Variants in PLCB2 observed in about 807,000 individuals in gnomAD.
The protein encoded by PLCB2 is 1-phosphatidylinositol 4,5-bisphosphate phosphodiesterase beta-2.
PLCB2 carries 115 observed loss-of-function variants against 141.7 expected under a neutral mutation model. The ratio of observed to expected loss-of-function variants is 0.81; its 90% CI spans 0.70 to 0.95. The LOEUF (loss-of-function observed/expected upper bound fraction) is 0.95. Ranked by LOEUF, PLCB2 falls within the 40% of genes least tolerant of loss-of-function variation. The pLI is 0.00. For synonymous variants in PLCB2, 603 were observed against 595.6 expected (o/e 1.01, Z -0.18); for missense variants, 1,403 against 1,541.1 (o/e 0.91, Z 1.50).
intron 4 of PLCB2, 35 bp downstream of exon 4, chr15:40,302,434 G>A: frequency 6.2e-7 from 1 of 1,613,298 alleles, no homozygotes; most frequent in Non-Finnish European, 8.5e-7. Flanking sequence ...GCTATCCCAG[G>A]GGCCCAGACC....
chr15:40,307,643 G>T lies in PLCB2; in HGVS notation c.30C>A (p.Pro10=), dbSNP rs902250023. MSLLNPVLL[P]PKVKAYLSQG... ...GGCTCAGATAGGCCTTCACCTTGGG[G>T]GGCAGCAGGACAGGGTTGAGCAGAG... Residue 10 remains proline (P), a synonymous_variant, in exon 1 of 32, where the codon CCC becomes CCA. Coordinates refer to ENST00000260402, the MANE Select transcript of PLCB2 (RefSeq NM_004573.3). 1 of 1,583,154 alleles carries T rather than the reference G, an allele frequency of 6.3e-7. No homozygotes were observed. Among genetic ancestry groups the T allele is most frequent in the Non-Finnish European group, 8.6e-7 (1 of 1,162,780 alleles).
chr15:40,290,575 A>C lies in PLCB2; in HGVS notation c.3209+2T>G. The C allele has an allele frequency of 6.2e-7, 1 of 1,611,310 alleles. No individual in the cohort carries two copies. The highest frequency in any genetic ancestry group is 8.5e-7 in the Non-Finnish European group (1 of 1,177,580). On this transcript the variant is annotated splice_donor_variant, in intron 29 of 31. Coordinates refer to ENST00000260402, the MANE Select transcript of PLCB2 (RefSeq NM_004573.3). LOFTEE classifies it high-confidence loss of function. ...GCCCTGGGCCTCCCCTCCAGGGCTC[A>C]CCTCTCCTGGGCCATCTTGTCTGTG... is the stretch of plus-strand genomic sequence containing the variant.
At chr15:40,298,192 C>A (rs373087882) in intron 11 of PLCB2, 31 bp downstream of exon 11, 1 of 1,530,218 alleles carries the variant, frequency 6.5e-7, no homozygotes. Context: ...CCTACTGCCA[C>A]GGCCACCAGC....
At chr15:40,298,183 C>T (rs1339159636) in intron 11 of PLCB2, 40 bp downstream of exon 11, 1 of 1,527,944 alleles carries the variant, frequency 6.5e-7, no homozygotes, top group Non-Finnish European at 8.8e-7. Flanking sequence ...GAGCCCTTCC[C>T]TACTGCCACG....
At chr15:40,292,865 C>T (rs891589344) in intron 21 of PLCB2, 61 bp downstream of exon 21, 4 of 1,129,330 alleles carry the variant, frequency 3.5e-6, no homozygotes, top group African/African-American at 1.6e-5. Context: ...CAGAAGCTGC[C>T]CCACCCTGTG....
At chr15:40,290,865 A>C (rs752565576) in intron 27 of PLCB2, 28 bp from the exon 28 acceptor site, 2 of 1,563,428 alleles carry the variant, frequency 1.3e-6, no homozygotes, top group African/African-American at 2.8e-5. Context: ...AAGCTTGGCG[A>C]GAAGCCCTTT....
Position 40,291,933 on chromosome 15 carries a change from G to A in PLCB2, c.2527-9C>T, listed in dbSNP as rs1372153377. ...GCCAGTGGGAAGGGCTTCTGTGTAGGGAGAGCAGGTCAGGAAGGTGGCTTG... is the reference window on the plus strand; with the variant it reads ...GCCAGTGGGAAGGGCTTCTGTGTAGAGAGAGCAGGTCAGGAAGGTGGCTTG... On this transcript the variant is annotated splice_polypyrimidine_tract_variant and intron_variant, in intron 23 of 31. Coordinates refer to ENST00000260402, the MANE Select transcript of PLCB2 (RefSeq NM_004573.3). 6.2e-7 allele frequency: 1 copy of A among 1,614,042 alleles called. No individual in the cohort carries two copies. The highest frequency in any genetic ancestry group is 8.5e-7 in the Non-Finnish European group (1 of 1,179,966).
chr15:40,290,352 C>T (rs1355833879), intron 29 of PLCB2, among the ~76,000 whole-genome samples: 2 of 152,258 alleles, frequency 1.3e-5, no homozygotes, highest in African/African-American at 4.8e-5. Context: ...CCTCAGCTCC[C>T]TCCCTGCAGG....
Position 40,296,768 on chromosome 15 carries a change from A to G in PLCB2, c.1464T>C (p.Ser488=). 6.2e-7 allele frequency: 1 copy of G among 1,613,656 alleles called. No individual in the cohort carries two copies. The highest frequency in any genetic ancestry group is 8.5e-7 in the Non-Finnish European group (1 of 1,179,738). Residue 488 remains serine (S), a synonymous_variant, in exon 14 of 32, where the codon AGT becomes AGC. Coordinates refer to ENST00000260402, the MANE Select transcript of PLCB2 (RefSeq NM_004573.3). ...CACCTGTGCCCTCACCTGCAGGGGC[A>G]CTGGGTGGGCTGCTGCCCTCAGCCT... is the stretch of plus-strand genomic sequence containing the variant. The part of the protein sequence containing the change: ...GGEAEGSSPP[S]APAGEGTVWA...
chr15:40,304,076 T>G lies in PLCB2; in HGVS notation c.87A>C (p.Glu29Asp), dbSNP rs1348585918. Residue 29 changes from glutamate (E) to aspartate (D), a missense_variant and splice_region_variant, in exon 2 of 32, where the codon GAA becomes GAC. Glu to Asp is a conservative substitution (Grantham distance 45, BLOSUM62 2). This residue lies in a region of PLCB2 where 975 missense variants were observed against 1,141.1 expected (regional missense o/e 0.85). Coordinates refer to ENST00000260402, the MANE Select transcript of PLCB2 (RefSeq NM_004573.3). ...QGERFIKWDD[E>D]TTVASPVILR... ...GGATAACTGGAGAGGCAACTGTAGT[T>G]TCCTGCAGAGAGAAGGAGCCAGCAC... The G allele has an allele frequency of 6.3e-7, 1 of 1,594,186 alleles. No individual in the cohort carries two copies. Among genetic ancestry groups the G allele is most frequent in the South Asian group, 1.1e-5 (1 of 87,682 alleles).
rs373119773 is a variant in PLCB2 at position 40,301,594 on chromosome 15, A to C, written c.582+363T>G. On this transcript the variant is annotated intron_variant, in intron 7 of 31. Transcript: ENST00000260402. ...ACTGCCGCCTGCCACTGCCGACCTT[A>C]TCTCGCTCCTCCAGGCTGAAAACAT... The C allele has an allele frequency of 3.4e-5, 24 of 702,786 alleles. No individual in the cohort carries two copies. The African/African-American group carries it at 3.7e-4, about 11-fold the overall frequency. 43.5% of individuals were successfully genotyped at this position (702,786 alleles called of 1,614,324 possible).
At position 40,302,049 on chromosome 15, in the gene PLCB2, A is replaced by G; in HGVS notation, c.507-17T>C. 1 of 1,614,146 alleles carries G rather than the reference A, an allele frequency of 6.2e-7. No individual in the cohort carries two copies. Among genetic ancestry groups the G allele is most frequent in the Non-Finnish European group, 8.5e-7 (1 of 1,179,984 alleles). ...TGGAAAAAGCTGAAGGGGCAGAGAAAGGTACCAGGTACAGAGAGGAGTCAG... is the reference window on the plus strand; with the variant it reads ...TGGAAAAAGCTGAAGGGGCAGAGAAGGGTACCAGGTACAGAGAGGAGTCAG... On this transcript the variant is annotated splice_polypyrimidine_tract_variant and intron_variant, in intron 6 of 31. Transcript: ENST00000260402.
At chr15:40,290,237 C>T (rs1198368544) in intron 29 of PLCB2, among the ~76,000 whole-genome samples, 155 bp from the exon 30 acceptor site, 2 of 151,974 alleles carry the variant, frequency 1.3e-5, no homozygotes, top group Non-Finnish European at 2.9e-5. Context: ...ATGTAGGGGC[C>T]ACTGGGAGTC....
rs375056203 is a variant in PLCB2, at chr15:40,301,971, G to A, written c.568C>T (p.Leu190Phe). The A allele has an allele frequency of 3.8e-5, 62 of 1,613,874 alleles. No individual in the cohort carries two copies. The highest frequency in any genetic ancestry group is 5.0e-5 in the Admixed American group (3 of 59,998). The change falls in exon 7 of 32, where the codon CTC becomes TTC. Residue 190 changes from leucine (L) to phenylalanine (F), a missense_variant. This residue lies in a region of PLCB2 where 975 missense variants were observed against 1,141.1 expected (regional missense o/e 0.85). Transcript: ENST00000260402. ...GATCCACTCACTTTGCCTTTGGGGA[G>A]GTGGCAGGCACTGAGAGCAGCTTCC... is the stretch of plus-strand genomic sequence containing the variant. ...RVEAALSACH[L>F]PKGKNDAINP...
chr15:40,293,645 G>C lies in PLCB2; in HGVS notation c.2141C>G (p.Pro714Arg). ...EVELFGLPGD[P>R]KRRYRTKLSP... is the part of the protein sequence containing the mutation. Reference sequence around the variant, plus strand: ...CAGCTTAGTTCGATAGCGCCTCTTGGGGTCCCCAGGAAGGCCAAACAGCTC... The same window carrying C: ...CAGCTTAGTTCGATAGCGCCTCTTGCGGTCCCCAGGAAGGCCAAACAGCTC... Residue 714 changes from proline to arginine, a missense_variant, in exon 20 of 32, where the codon CCC becomes CGC. Transcript: ENST00000260402. 6.2e-7 allele frequency: 1 copy of C among 1,614,074 alleles called. No homozygotes were observed. The highest frequency in any genetic ancestry group is 8.5e-7 in the Non-Finnish European group (1 of 1,179,998).
At chr15:40,290,918 A>C (rs1245748572) in intron 27 of PLCB2, 81 bp from the exon 28 acceptor site, 6 of 1,003,330 alleles carry the variant, frequency 6.0e-6, no homozygotes, top group African/African-American at 5.3e-5. Context: ...GGTGGAGGGG[A>C]GTCGGTGAGG....
chr15:40,297,161 C>T lies in PLCB2; in HGVS notation c.1324-253G>A, dbSNP rs2040266255. The stretch of plus-strand genomic sequence containing the variant: ...GGCCATCTGCACCAGGAGGACCTAA[C>T]AGGCTACTCTAGGAGCCCTGTCCAT... On this transcript the variant is annotated intron_variant, in intron 13 of 31. Transcript: ENST00000260402. This position sits in a 1 kb window ranked among gnomAD's most constrained non-coding sequence, Gnocchi z 4.2. Among the ~76,000 whole-genome samples, 1 of 152,128 alleles carries T rather than the reference C, an allele frequency of 6.6e-6. No individual in the cohort carries two copies. The highest frequency in any genetic ancestry group is 2.4e-5 in the African/African-American group (1 of 41,418).
intron 7 of PLCB2, chr15:40,300,682 ATTTAC>A (rs1198394182): frequency 1.3e-5 from 2 of 152,268 alleles, no homozygotes; most frequent in Non-Finnish European, 2.9e-5. Flanking sequence ...TTATGATTTC[ATTTAC>A]TTTACCACCA....
rs577175439 is a variant in PLCB2 at position 40,298,355 on chromosome 15, C to A, written c.1023G>T (p.Ser341=). 3.1e-6 allele frequency: 5 copies of A among 1,594,662 alleles called. No individual in the cohort carries two copies. Among genetic ancestry groups the A allele is most frequent in the African/African-American group, 2.7e-5 (2 of 74,564 alleles). ...LTAGQFSGLS[S]AEMYRQVLLS... is the part of the protein sequence containing the mutation. Reference sequence around the variant, plus strand: ...GCAGCACCTGGCGGTACATCTCAGCCGAGGAGAGGCCTGAGAACTGGCCGG... The same window carrying A: ...GCAGCACCTGGCGGTACATCTCAGCAGAGGAGAGGCCTGAGAACTGGCCGG... The change falls in exon 11 of 32, where the codon TCG becomes TCT. Residue 341 remains serine, a synonymous_variant. Transcript: ENST00000260402.
Sources: allele counts gnomAD v4.1 joint callset (sites outside exome capture counted in the v4.1 genomes callset), GRCh38; gene constraint gnomAD v4.1.1; regional missense constraint gnomAD v4.1.1; non-coding constraint Gnocchi (gnomAD v3.1); transcripts MANE v1.5; gene names NCBI Gene and HGNC (gene_info 2026-07-23, HGNC 2026-07-21).